PPP1R12B: variants seen among roughly 807,000 people sequenced by gnomAD.
The protein encoded by PPP1R12B is myosin phosphatase target subunit 2.
A neutral mutation model predicts 126.1 loss-of-function variants in PPP1R12B; 76 were observed. The observed-to-expected ratio is 0.60, with a 90% CI of 0.50 to 0.73. The LOEUF (loss-of-function observed/expected upper bound fraction) is 0.73, where lower values mean the gene tolerates loss of function less well. Ranked by LOEUF, PPP1R12B falls within the 30% of genes least tolerant of loss-of-function variation. The pLI is 0.00. For synonymous variants in PPP1R12B, 356 were observed against 434.7 expected, an observed-to-expected ratio of 0.82 and a Z score of 2.25; for missense variants, 1,052 against 1,205.1, an observed-to-expected ratio of 0.87 and a Z score of 1.88.
intron 10 of PPP1R12B, chr1:202,438,904 C>T (rs887572756): frequency 1.6e-5 from 24 of 1,498,124 alleles, no homozygotes; most frequent in South Asian, 2.3e-5. Flanking sequence ...ATCCACCGCA[C>T]GCGGCCCTGT....
intron 13 of PPP1R12B, among the ~76,000 whole-genome samples, chr1:202,472,589 C>T (rs980132507): frequency 9.9e-5 from 15 of 152,138 alleles, no homozygotes; most frequent in Admixed American, 9.2e-4. Flanking sequence ...GTGGCTTTGG[C>T]ACTTGAGGCT....
intron 18 of PPP1R12B, among the ~76,000 whole-genome samples, chr1:202,500,334 A>C (rs1680080357): frequency 6.6e-6 from 1 of 152,186 alleles, no homozygotes; most frequent in African/African-American, 2.4e-5. Context: ...TATGGAATCA[A>C]CTTAAATGTC....
At chr1:202,576,780 A>G (rs974815998) in intron 23 of PPP1R12B, 4 of 152,008 alleles carry the variant, frequency 2.6e-5, no homozygotes, top group African/African-American at 7.2e-5. Context: ...TGAATGCTTT[A>G]TATAGTTTTT....
chr1:202,562,597 A>G (rs1280859885), intron 19 of PPP1R12B, 181 bp from the exon 20 acceptor site: 1 of 784,908 alleles, frequency 1.3e-6, no homozygotes, highest in Non-Finnish European at 2.3e-6. Context: ...AAGCTCGTGC[A>G]GTTTAGCCCT....
chr1:202,366,298 C>G (rs1392849119), intron 1 of PPP1R12B, among the ~76,000 whole-genome samples: 1 of 151,766 alleles, frequency 6.6e-6, no homozygotes, highest in Non-Finnish European at 1.5e-5. Flanking sequence ...GCGGGCAGAT[C>G]ACTTGAGGTC....
intron 14 of PPP1R12B, among the ~76,000 whole-genome samples, chr1:202,491,746 C>T (rs1277087428): frequency 6.6e-6 from 1 of 152,042 alleles, no homozygotes; most frequent in African/African-American, 2.4e-5. Context: ...GAGTGAAGGT[C>T]CATGTCAAAA....
chr1:202,558,800 T>A (rs1687216910), intron 18 of PPP1R12B, 77 bp from the exon 19 acceptor site: 1 of 962,932 alleles, frequency 1.0e-6, no homozygotes, highest in African/African-American at 1.7e-5. Context: ...ATGGAAATAA[T>A]ACAAATCAGT....
intron 1 of PPP1R12B, among the ~76,000 whole-genome samples, chr1:202,359,800 T>TCAAACA (rs1313919748): frequency 1.3e-5 from 2 of 152,116 alleles, no homozygotes; most frequent in African/African-American, 4.8e-5. Flanking sequence ...TGAGACTCTG[T>TCAAACA]CTCAAACAAA....
In PPP1R12B at chr1:202,565,455, G is replaced by A. The variant is rs554519568; in HGVS notation, c.2757+908G>A. Among the ~76,000 whole-genome samples, 131 of 152,302 alleles carry A rather than the reference G, an allele frequency of 8.6e-4. No individual in the cohort carries two copies. Among genetic ancestry groups the A allele is most frequent in the African/African-American group, 3.1e-3 (127 of 41,564 alleles). On this transcript the variant is annotated intron_variant, in intron 21 of 23. Coordinates refer to ENST00000608999, the MANE Select transcript of PPP1R12B (RefSeq NM_002481.4). This position sits in a 1 kb window ranked among gnomAD's most constrained non-coding sequence, Gnocchi z 4.3. Reference sequence around the variant, plus strand: ...AAGCAAAGACTAAAATGCTAGGGTTGTACAGTACCAAATACATGGAGTTTG... The same window carrying A: ...AAGCAAAGACTAAAATGCTAGGGTTATACAGTACCAAATACATGGAGTTTG...
rs1462062836 is a variant in PPP1R12B at position 202,488,589 on chromosome 1, C to G, written c.1907C>G (p.Ser636Cys). The G allele has an allele frequency of 6.2e-7, 1 of 1,612,790 alleles. No individual in the cohort carries two copies. Among genetic ancestry groups the G allele is most frequent in the East Asian group, 2.2e-5 (1 of 44,868 alleles). The change falls in exon 14 of 24, where the codon TCC becomes TGC. Residue 636 changes from serine (S) to cysteine (C), a missense_variant. Physicochemically the swap from Ser to Cys is moderately radical, Grantham distance 112. Coordinates refer to ENST00000608999, the MANE Select transcript of PPP1R12B (RefSeq NM_002481.4). The part of the protein sequence containing the change: ...EEAESLRKAR[S>C]RQARQTRRST... The stretch of plus-strand genomic sequence containing the variant: ...GCAGAGTCTTTACGGAAAGCACGCT[C>G]CAGACAAGCTCGGCAGACACGAAGG...
intron 1 of PPP1R12B, among the ~76,000 whole-genome samples, chr1:202,364,666 T>C (rs1179045256): frequency 1.3e-5 from 2 of 152,112 alleles, no homozygotes; most frequent in Admixed American, 6.6e-5. Flanking sequence ...AAGCTCCGCC[T>C]CCTGGGTTCA....
intron 10 of PPP1R12B, chr1:202,438,544 G>T: frequency 2.3e-6 from 1 of 425,540 alleles, no homozygotes; most frequent in East Asian, 5.8e-5. Flanking sequence ...GCTGGGCATG[G>T]GACAGCCCCC....
At chr1:202,373,247 C>CT (rs988084965) in intron 1 of PPP1R12B, among the ~76,000 whole-genome samples, 16 of 152,164 alleles carry the variant, frequency 1.1e-4, no homozygotes, top group African/African-American at 3.1e-4. Context: ...CTGATAATTT[C>CT]TTTTTGGTTT....
At chr1:202,373,064 A>G (rs1660574755) in intron 1 of PPP1R12B, among the ~76,000 whole-genome samples, 1 of 151,864 alleles carries the variant, frequency 6.6e-6, no homozygotes, top group Non-Finnish European at 1.5e-5. Context: ...CCTCCTGAGT[A>G]GCTGGGACTA....
intron 1 of PPP1R12B, among the ~76,000 whole-genome samples, chr1:202,350,607 GTTTTTCTTTTTC>G (rs1234444760): frequency 1.7e-4 from 26 of 151,006 alleles, no homozygotes; most frequent in African/African-American, 5.8e-4. Flanking sequence ...GTGAATTCTT[GTTTTTCTTTTTC>G]TTTTTCTTTT....
chr1:202,498,666 A>G (rs1558303993), intron 18 of PPP1R12B, among the ~76,000 whole-genome samples: 2 of 152,142 alleles, frequency 1.3e-5, no homozygotes. Context: ...GTAAATTCCT[A>G]CATTTCTATT....
chr1:202,455,943 C>T (rs1673569699), intron 13 of PPP1R12B, among the ~76,000 whole-genome samples: 1 of 152,018 alleles, frequency 6.6e-6, no homozygotes, highest in Non-Finnish European at 1.5e-5. Context: ...CAGTGGCTTG[C>T]ACTGAGATAA....
At chr1:202,530,638 G>A (rs1376389115) in intron 18 of PPP1R12B, among the ~76,000 whole-genome samples, 1 of 152,192 alleles carries the variant, frequency 6.6e-6, no homozygotes, top group African/African-American at 2.4e-5. Flanking sequence ...ATGGGAGCAA[G>A]ATTGGGAACA....
At chr1:202,383,701 G>A (rs1380087292) in intron 1 of PPP1R12B, among the ~76,000 whole-genome samples, 1 of 151,930 alleles carries the variant, frequency 6.6e-6, no homozygotes, top group Non-Finnish European at 1.5e-5. Context: ...TCCAGCCTGG[G>A]CAACAGAATA....
Sources: gnomAD v4.1 joint callset for allele counts (sites outside exome capture counted in the v4.1 genomes callset) on GRCh38, gnomAD v4.1.1 for gene constraint, Gnocchi (gnomAD v3.1) non-coding constraint, MANE v1.5 for transcripts, NCBI Gene and HGNC (gene_info 2026-07-23, HGNC 2026-07-21) for gene names.